Variants in GRIP1 observed in about 807,000 individuals in gnomAD.
GRIP1 encodes the protein glutamate receptor-interacting protein 1.
In GRIP1, 45 loss-of-function variants were observed where a neutral mutation model predicts 129.9. The ratio of observed to expected loss-of-function variants is 0.35; its 90% CI spans 0.27 to 0.44. GRIP1 has a LOEUF of 0.44. Ranked by LOEUF, GRIP1 falls within the 20% of genes least tolerant of loss-of-function variation. The pLI is 1.00. For missense variants in GRIP1, 1,196 were observed against 1,396.8 expected, an observed-to-expected ratio of 0.86 and a Z score of 2.29; for synonymous variants, 530 against 520.8, an observed-to-expected ratio of 1.02 and a Z score of -0.24.
At position 66,541,264 on chromosome 12, in the gene GRIP1, A is replaced by C. The variant is rs539901679; in HGVS notation, c.272+551T>G. On this transcript the variant is annotated intron_variant, in intron 3 of 24. Coordinates refer to ENST00000359742, the MANE Select transcript of GRIP1 (RefSeq NM_001366722.1). ...ATTTGCAGTTCATGGAAAGAAAGAC[A>C]GGTGAGACCTCCTCCTCTAAGCCTT... Among the ~76,000 whole-genome samples, 10 of 152,346 alleles carry C rather than the reference A, an allele frequency of 6.6e-5. No homozygotes were observed. In the South Asian group the frequency reaches 1.9e-3, roughly 28 times the overall value.
intron 1 of GRIP1, among the ~76,000 whole-genome samples, chr12:66,862,449 A>G (rs905698): frequency 0.27 from 41,321 of 151,922 alleles, 5,648 homozygotes; most frequent in African/African-American, 0.29. Context: ...TCTGGGGCAC[A>G]TTAATTATGT....
chr12:66,752,236 G>A (rs1275884710), intron 1 of GRIP1, among the ~76,000 whole-genome samples: 1 of 152,126 alleles, frequency 6.6e-6, no homozygotes, highest in Non-Finnish European at 1.5e-5. Flanking sequence ...TCATAGCTTG[G>A]AATGAATGAA....
At chr12:67,036,363 C>T (rs1243962777) in intron 1 of GRIP1, among the ~76,000 whole-genome samples, 1 of 150,910 alleles carries the variant, frequency 6.6e-6, no homozygotes, top group Non-Finnish European at 1.5e-5. Context: ...CTGAGTCTCA[C>T]TCTGTCACCC....
At chr12:66,417,282 A>G (rs2057640872) in intron 15 of GRIP1, among the ~76,000 whole-genome samples, 1 of 152,132 alleles carries the variant, frequency 6.6e-6, no homozygotes, top group Non-Finnish European at 1.5e-5. Flanking sequence ...GGTATAGAAG[A>G]AATATACCTC....
At chr12:66,952,942 C>G (rs771203863) in intron 1 of GRIP1, among the ~76,000 whole-genome samples, 2 of 152,142 alleles carry the variant, frequency 1.3e-5, no homozygotes, top group Non-Finnish European at 2.9e-5. Flanking sequence ...TACATGAGGA[C>G]TTTTAAAAAT....
chr12:66,787,825 C>G (rs1184308562), intron 1 of GRIP1, among the ~76,000 whole-genome samples: 2 of 152,068 alleles, frequency 1.3e-5, no homozygotes, highest in Non-Finnish European at 2.9e-5. Flanking sequence ...TAAGATACCC[C>G]CCAAAAGCAA....
intron 2 of GRIP1, among the ~76,000 whole-genome samples, chr12:66,573,192 C>T (rs576446386): frequency 1.2e-4 from 19 of 152,230 alleles, no homozygotes; most frequent in South Asian, 1.0e-3. Flanking sequence ...TGAAGGCAGC[C>T]TCTGGGGCTG....
chr12:66,485,421 A>T (rs1418672765), intron 7 of GRIP1, among the ~76,000 whole-genome samples: 4 of 151,040 alleles, frequency 2.6e-5, no homozygotes, highest in Admixed American at 6.6e-5. Context: ...TATATAATTT[A>T]AAAAATAATT....
chr12:66,418,739 T>C (rs536564555), intron 15 of GRIP1, among the ~76,000 whole-genome samples: 41 of 152,188 alleles, frequency 2.7e-4, no homozygotes, highest in African/African-American at 9.9e-4. Flanking sequence ...AAAACTACAA[T>C]GAGATATCAT....
chr12:66,827,387 T>TGAGA (rs112366252), intron 1 of GRIP1, among the ~76,000 whole-genome samples: 23 of 108,292 alleles, frequency 2.1e-4, no homozygotes, highest in African/African-American at 7.2e-4. Context: ...TGTGTGTGTG[T>TGAGA]GAGAGAGAGA....
chr12:66,641,350 G>A (rs2031907539), intron 1 of GRIP1, among the ~76,000 whole-genome samples: 1 of 98,654 alleles, frequency 1.0e-5, no homozygotes. Context: ...GACATCTGAG[G>A]GGAGCTTTAA....
At chr12:66,483,816 A>C (rs1293445143) in intron 7 of GRIP1, among the ~76,000 whole-genome samples, 2 of 151,154 alleles carry the variant, frequency 1.3e-5, no homozygotes, top group African/African-American at 4.9e-5. Context: ...TAATCCCCCT[A>C]CTCCTTTACA....
In GRIP1 at chr12:66,392,829, A is replaced by G. The variant is rs369643424; in HGVS notation, c.2130-13T>C. ...GATTGCGCCAGTTCTGAAAAGCCAA[A>G]TAGTAATAGGAGAGGTAGAAATAAT... is the stretch of plus-strand genomic sequence containing the variant. On this transcript the variant is annotated splice_polypyrimidine_tract_variant and intron_variant, in intron 17 of 24. Transcript: ENST00000359742. The G allele has an allele frequency of 1.2e-6, 2 of 1,612,228 alleles. No homozygotes were observed. Among genetic ancestry groups the G allele is most frequent in the Non-Finnish European group, 1.7e-6 (2 of 1,178,266 alleles).
At chr12:66,482,424 C>G (rs4913510) in intron 7 of GRIP1, among the ~76,000 whole-genome samples, 40,263 of 152,066 alleles carry the variant, frequency 0.26, 5,545 homozygotes, top group Middle Eastern at 0.43. Context: ...ACTATTTTAG[C>G]AACTACTGTT....
intron 2 of GRIP1, among the ~76,000 whole-genome samples, chr12:66,552,530 C>T (rs1387883767): frequency 6.6e-6 from 1 of 152,084 alleles, no homozygotes; most frequent in African/African-American, 2.4e-5. Flanking sequence ...AATTAGGGTC[C>T]TTTCATTAGG....
At chr12:67,015,483 T>C (rs966407793) in intron 1 of GRIP1, among the ~76,000 whole-genome samples, 3 of 152,186 alleles carry the variant, frequency 2.0e-5, no homozygotes, top group African/African-American at 7.2e-5. Flanking sequence ...GCATCTTCAC[T>C]ACAACTTGGG....
rs765600411 is a variant in GRIP1 at position 66,377,160 on chromosome 12, A to C, written c.2733+14T>G. 2 of 1,580,764 alleles carry C rather than the reference A, an allele frequency of 1.3e-6. No individual in the cohort carries two copies. The highest frequency in any genetic ancestry group is 4.5e-5 in the East Asian group (2 of 44,726). On this transcript the variant is annotated intron_variant, in intron 21 of 24. Transcript: ENST00000359742. ...TGTAGAAACAATAAAAGTAAGTAGCAGGACCAAGGCTACCTCCAGTTCTCT... is the reference window on the plus strand; with the variant it reads ...TGTAGAAACAATAAAAGTAAGTAGCCGGACCAAGGCTACCTCCAGTTCTCT...
chr12:66,533,840 T>TAC (rs10545416), intron 4 of GRIP1, among the ~76,000 whole-genome samples: 3,933 of 144,860 alleles, frequency 0.027, 142 homozygotes, highest in African/African-American at 0.093. Context: ...TCTATCAGAT[T>TAC]ACACACACAC....
intron 1 of GRIP1, among the ~76,000 whole-genome samples, chr12:66,923,881 G>T (rs1376296275): frequency 6.6e-6 from 1 of 151,864 alleles, no homozygotes; most frequent in Non-Finnish European, 1.5e-5. Context: ...TTTCGCTCTT[G>T]TTGTCCACGC....
Sources: allele counts gnomAD v4.1 joint callset (sites outside exome capture counted in the v4.1 genomes callset), GRCh38; gene constraint gnomAD v4.1.1; transcripts MANE v1.5; gene names NCBI Gene and HGNC (gene_info 2026-07-23, HGNC 2026-07-21).